INTS15: variants seen among roughly 807,000 people sequenced by gnomAD.
INTS15 encodes integrator complex subunit 15, also known as uncharacterized protein C7orf26.
the INTS15 span, among the ~76,000 whole-genome samples, chr7:6,605,414 G>A: frequency 1.3e-5 from 2 of 152,052 alleles, no homozygotes; most frequent in Non-Finnish European, 2.9e-5. Flanking sequence ...TTTGTCCACC[G>A]CTTTTATTTA....
the INTS15 span, among the ~76,000 whole-genome samples, chr7:6,591,157 C>T: frequency 0.024 from 3,591 of 152,024 alleles, 66 homozygotes; most frequent in Middle Eastern, 0.051. Context: ...TTTCTAAGAT[C>T]AACAGCAAAG....
At chr7:6,608,017 C>T in the INTS15 span, 4 of 1,600,310 alleles carry the variant, frequency 2.5e-6, no homozygotes, top group East Asian at 4.5e-5. Context: ...CCGCGCTCCC[C>T]CCGGGGTTCT....
At chr7:6,596,980 G>A in the INTS15 span, among the ~76,000 whole-genome samples, 9 of 151,752 alleles carry the variant, frequency 5.9e-5, no homozygotes, top group African/African-American at 2.2e-4. Context: ...GGGTTTCACC[G>A]TGTTAGCCAG....
the INTS15 span, chr7:6,594,466 C>G: frequency 1.2e-5 from 19 of 1,614,088 alleles, no homozygotes; most frequent in Non-Finnish European, 1.6e-5. Context: ...GTGAGGTTAG[C>G]CAAGGCCCTT....
At chr7:6,599,762 T>C in the INTS15 span, 1 of 1,511,446 alleles carries the variant, frequency 6.6e-7, no homozygotes, top group Non-Finnish European at 9.0e-7. Flanking sequence ...CAGGCTTCCC[T>C]CTCTCCACTT....
At chr7:6,608,066 G>C in the INTS15 span, 1 of 1,596,252 alleles carries the variant, frequency 6.3e-7, no homozygotes, top group South Asian at 1.1e-5. Flanking sequence ...CTACGGGGCT[G>C]TCCCGGCCCA....
chr7:6,590,270 G>A, the INTS15 span: 1 of 1,507,024 alleles, frequency 6.6e-7, no homozygotes, highest in East Asian at 2.7e-5. Context: ...CGCGGGGGCC[G>A]CGGCGGCCGC....
At chr7:6,607,555 C>T in the INTS15 span, 3 of 1,328,912 alleles carry the variant, frequency 2.3e-6, no homozygotes, top group Non-Finnish European at 3.0e-6. This position sits in a 1 kb window ranked among gnomAD's most constrained non-coding sequence, Gnocchi z 6.0. Flanking sequence ...ATTTCGGGGT[C>T]GTTTGCAAGG....
the INTS15 span, chr7:6,608,592 G>A: frequency 6.1e-6 from 6 of 983,344 alleles, no homozygotes; most frequent in Non-Finnish European, 7.5e-6. Context: ...GCTGCGTAGT[G>A]ACCACAAGCT....
chr7:6,600,093 A>T, the INTS15 span: 2 of 1,613,978 alleles, frequency 1.2e-6, no homozygotes, highest in Non-Finnish European at 8.5e-7. Flanking sequence ...ATGGACAGAG[A>T]CTCCCACCTC....
the INTS15 span, among the ~76,000 whole-genome samples, chr7:6,598,735 TTGTGTGTG>T: frequency 4.1e-3 from 341 of 83,622 alleles, 3 homozygotes; most frequent in African/African-American, 0.015. Context: ...GCTGTATGCT[TTGTGTGTG>T]TGTGTGTGTG....
chr7:6,597,573 G>T, the INTS15 span, among the ~76,000 whole-genome samples: 1 of 152,210 alleles, frequency 6.6e-6, no homozygotes. Flanking sequence ...GGGATTACAG[G>T]CATGAGCCAC....
the INTS15 span, among the ~76,000 whole-genome samples, chr7:6,598,524 G>A: frequency 1.3e-3 from 198 of 150,054 alleles, 3 homozygotes; most frequent in African/African-American, 4.3e-3. Flanking sequence ...TGTAGCCATC[G>A]TCTCACTGCA....
the INTS15 span, among the ~76,000 whole-genome samples, chr7:6,599,315 C>A: frequency 0.31 from 47,214 of 151,964 alleles, 7,525 homozygotes; most frequent in Admixed American, 0.39. Context: ...CTGAGGGTTG[C>A]TTAGATGAGG....
chr7:6,600,065 A>G, the INTS15 span: 1 of 1,614,202 alleles, frequency 6.2e-7, no homozygotes, highest in Non-Finnish European at 8.5e-7. Context: ...CAAGGTCACA[A>G]AGGACCCGGG....
chr7:6,599,183 C>T, the INTS15 span, among the ~76,000 whole-genome samples: 6 of 152,126 alleles, frequency 3.9e-5, no homozygotes, highest in East Asian at 1.9e-4. Flanking sequence ...GAGGATTAAA[C>T]GAGTTCGTCT....
the INTS15 span, chr7:6,594,497 G>C: frequency 6.2e-7 from 1 of 1,614,144 alleles, no homozygotes; most frequent in African/African-American, 1.3e-5. Context: ...ACTGCTGTTT[G>C]GTGCCGGGAT....
the INTS15 span, among the ~76,000 whole-genome samples, chr7:6,596,887 G>A: frequency 1.3e-5 from 2 of 151,594 alleles, no homozygotes; most frequent in Non-Finnish European, 2.9e-5. Context: ...AGATTCAAGC[G>A]ATTCTCCTGC....
chr7:6,591,068 G>A, the INTS15 span, among the ~76,000 whole-genome samples: 1 of 146,870 alleles, frequency 6.8e-6, no homozygotes, highest in Non-Finnish European at 1.5e-5. Context: ...CAAACTCCTG[G>A]GCTCAAGATT....
Sources: allele counts gnomAD v4.1 joint callset (sites outside exome capture counted in the v4.1 genomes callset), GRCh38; gene constraint gnomAD v4.1.1; non-coding constraint Gnocchi (gnomAD v3.1); transcripts MANE v1.5; gene names NCBI Gene and HGNC (gene_info 2026-07-23, HGNC 2026-07-21).